Variants in ELP4 observed in about 807,000 individuals in gnomAD.
ELP4 encodes elongator acetyltransferase complex subunit 4.
ELP4 carries 51 observed loss-of-function variants against 48.9 expected under a neutral mutation model. The ratio of observed to expected loss-of-function variants is 1.04; its 90% CI spans 0.83 to 1.32. The LOEUF (loss-of-function observed/expected upper bound fraction) is 1.32, where lower values mean the gene tolerates loss of function less well. Ranked by LOEUF, ELP4 falls within the 40% of genes most tolerant of loss-of-function variation. The pLI is 0.00. For synonymous variants in ELP4, 210 were observed against 189.2 expected (o/e 1.11, Z -0.90); for missense variants, 519 against 514.6 (o/e 1.01, Z -0.08).
chr11:31,563,789 G>A (rs1488073302), intron 3 of ELP4, among the ~76,000 whole-genome samples: 2 of 151,928 alleles, frequency 1.3e-5, no homozygotes, highest in Admixed American at 1.3e-4. Flanking sequence ...AGAACCATAA[G>A]CACCAAATTG....
chr11:31,591,422 A>G (rs12790088), intron 3 of ELP4, among the ~76,000 whole-genome samples: 3 of 76,562 alleles, frequency 3.9e-5, no homozygotes, highest in South Asian at 5.0e-4. Flanking sequence ...AAAAAAAAAA[A>G]GGGGGGGGGG....
rs1955942217 is a variant in ELP4, at chr11:31,509,767, A to G, written c.-18A>G. On this transcript the variant is annotated 5_prime_UTR_variant, in exon 1 of 10. Transcript: ENST00000640961. ...GCGTTCCCAGAGTTCCTATTGGGTT[A>G]ACACTGGAGGCTCTAAGATGGCGGC... 6.2e-7 allele frequency: 1 copy of G among 1,613,014 alleles called. No homozygotes were observed. The highest frequency in any genetic ancestry group is 1.3e-5 in the African/African-American group (1 of 75,036).
At chr11:31,662,214 G>A (rs1945573816) in intron 9 of ELP4, among the ~76,000 whole-genome samples, 1 of 152,068 alleles carries the variant, frequency 6.6e-6, no homozygotes, top group Non-Finnish European at 1.5e-5. Flanking sequence ...AACAAAAAAA[G>A]TACATGTAAA....
chr11:31,683,834 C>G (rs1946106079), intron 9 of ELP4, among the ~76,000 whole-genome samples: 1 of 152,034 alleles, frequency 6.6e-6, no homozygotes, highest in Admixed American at 6.6e-5. Context: ...TAGAAAAGAT[C>G]ACTTATTAGA....
chr11:31,667,340 A>G (rs1945702165), intron 9 of ELP4, among the ~76,000 whole-genome samples: 1 of 152,208 alleles, frequency 6.6e-6, no homozygotes, highest in Non-Finnish European at 1.5e-5. Flanking sequence ...AAGCAGTAGT[A>G]TAATCACTAC....
At chr11:31,776,271 G>A (rs1455843768) in intron 9 of ELP4, among the ~76,000 whole-genome samples, 2 of 152,082 alleles carry the variant, frequency 1.3e-5, no homozygotes, top group Non-Finnish European at 2.9e-5. Flanking sequence ...AGGACCTAGG[G>A]CAGGGGCTCT....
At chr11:31,550,200 G>A (rs1031401534) in intron 3 of ELP4, among the ~76,000 whole-genome samples, 6 of 151,970 alleles carry the variant, frequency 3.9e-5, no homozygotes, top group African/African-American at 1.4e-4. Flanking sequence ...AGAAGGACTG[G>A]AAATAAGTAA....
chr11:31,636,721 T>C (rs764161625), intron 7 of ELP4, among the ~76,000 whole-genome samples: 14 of 152,006 alleles, frequency 9.2e-5, no homozygotes, highest in Non-Finnish European at 1.5e-4. Flanking sequence ...TTATGTTCAG[T>C]CCCACAACTT....
At chr11:31,764,491 G>A (rs1948006037) in intron 9 of ELP4, among the ~76,000 whole-genome samples, 1 of 152,122 alleles carries the variant, frequency 6.6e-6, no homozygotes, top group South Asian at 2.1e-4. Context: ...TCACAATAAG[G>A]CATTGATGTG....
chr11:31,655,674 C>G (rs1054451808), intron 9 of ELP4, among the ~76,000 whole-genome samples: 1 of 151,914 alleles, frequency 6.6e-6, no homozygotes, highest in Non-Finnish European at 1.5e-5. Flanking sequence ...CACAATCATG[C>G]GGTATTAAAG....
At chr11:31,684,701 T>C (rs969633895) in intron 9 of ELP4, among the ~76,000 whole-genome samples, 4 of 152,124 alleles carry the variant, frequency 2.6e-5, no homozygotes, top group Admixed American at 1.3e-4. Flanking sequence ...TGCTTTTCAA[T>C]AAATAGTACT....
chr11:31,586,424 A>T (rs559509247), intron 3 of ELP4, among the ~76,000 whole-genome samples: 22 of 152,306 alleles, frequency 1.4e-4, no homozygotes, highest in African/African-American at 4.3e-4. Context: ...TAGCCCATGT[A>T]AGTTGTTGAA....
At chr11:31,671,189 A>G (rs1014769456) in intron 9 of ELP4, among the ~76,000 whole-genome samples, 2 of 152,198 alleles carry the variant, frequency 1.3e-5, no homozygotes, top group African/African-American at 4.8e-5. Flanking sequence ...AAATCATAAA[A>G]TGGTTTCTTT....
chr11:31,676,309 T>C (rs1372130885), intron 9 of ELP4, among the ~76,000 whole-genome samples: 1 of 152,220 alleles, frequency 6.6e-6, no homozygotes. Flanking sequence ...CTGACTCTTC[T>C]TTTCCAAATA....
In ELP4 at chr11:31,632,199, T is replaced by C. The variant is rs750380338; in HGVS notation, c.739-18T>C. The C allele has an allele frequency of 3.8e-6, 6 of 1,592,198 alleles. No homozygotes were observed. The highest frequency in any genetic ancestry group is 3.6e-5 in the Admixed American group (2 of 55,630). On this transcript the variant is annotated intron_variant, in intron 6 of 9. Coordinates refer to ENST00000640961, the MANE Select transcript of ELP4 (RefSeq NM_019040.5). ...TAACAAAACTTTATATGTTTGCTTTTTTCCCACTTTCTTTTAGAAAAAACA... is the reference window on the plus strand; with the variant it reads ...TAACAAAACTTTATATGTTTGCTTTCTTCCCACTTTCTTTTAGAAAAAACA...
intron 9 of ELP4, among the ~76,000 whole-genome samples, chr11:31,741,908 C>A (rs151208575): frequency 0.021 from 3,239 of 152,128 alleles, 54 homozygotes; most frequent in Middle Eastern, 0.13. Context: ...ATGACTCTGA[C>A]GAGTTGAGAG....
chr11:31,706,330 T>C (rs554305259), intron 9 of ELP4, among the ~76,000 whole-genome samples: 18 of 151,612 alleles, frequency 1.2e-4, no homozygotes, highest in African/African-American at 4.3e-4. Flanking sequence ...TACAGTGGTA[T>C]AGAGTACTAG....
intron 5 of ELP4, among the ~76,000 whole-genome samples, chr11:31,613,404 A>G (rs889352938): frequency 1.3e-5 from 2 of 152,154 alleles, no homozygotes; most frequent in African/African-American, 4.8e-5. Context: ...CACAGTATAC[A>G]TTAGTATTTG....
chr11:31,560,753 T>TAAAAAA (rs1592117337), intron 3 of ELP4, among the ~76,000 whole-genome samples: 1 of 150,990 alleles, frequency 6.6e-6, no homozygotes, highest in African/African-American at 2.4e-5. Flanking sequence ...TGTATATATA[T>TAAAAAA]ACGTACAGTC....
Sources: gnomAD v4.1 joint callset for allele counts (sites outside exome capture counted in the v4.1 genomes callset) on GRCh38, gnomAD v4.1.1 for gene constraint, MANE v1.5 for transcripts, NCBI Gene and HGNC (gene_info 2026-07-23, HGNC 2026-07-21) for gene names.